Variants in HMGA2 observed in about 807,000 individuals in gnomAD.
HMGA2 encodes the protein high mobility group protein HMGI-C.
A neutral mutation model predicts 19.1 loss-of-function variants in HMGA2; 8 were observed. That is an observed-to-expected ratio of 0.42 (90% CI 0.25 to 0.76). The LOEUF (loss-of-function observed/expected upper bound fraction) is 0.76, where lower values mean the gene tolerates loss of function less well. Among genes scored for constraint, HMGA2 ranks in the 30% least tolerant of loss-of-function variants. HMGA2 has a pLI of 0.28. For missense variants in HMGA2, 109 were observed against 136.3 expected, an observed-to-expected ratio of 0.80 and a Z score of 1.00; for synonymous variants, 60 against 48.8, an observed-to-expected ratio of 1.23 and a Z score of -0.96.
intron 3 of HMGA2, among the ~76,000 whole-genome samples, chr12:65,893,369 G>GA (rs1873995723): frequency 6.6e-6 from 1 of 152,170 alleles, no homozygotes; most frequent in African/African-American, 2.4e-5. Context: ...GGATACATGC[G>GA]AAAAGAACAA....
chr12:65,925,754 G>T (rs568320820), intron 3 of HMGA2, among the ~76,000 whole-genome samples: 5 of 147,942 alleles, frequency 3.4e-5, no homozygotes, highest in Non-Finnish European at 7.4e-5. Flanking sequence ...TGATCTTGCA[G>T]ATCTTTGAGA....
At chr12:65,886,989 A>G (rs1873685566) in intron 3 of HMGA2, among the ~76,000 whole-genome samples, 2 of 152,356 alleles carry the variant, frequency 1.3e-5, no homozygotes, top group South Asian at 4.1e-4. Flanking sequence ...CTTGGGATTA[A>G]TGACTGAGCT....
intron 3 of HMGA2, among the ~76,000 whole-genome samples, chr12:65,892,714 G>C (rs1873962123): frequency 6.6e-6 from 1 of 152,048 alleles, no homozygotes; most frequent in African/African-American, 2.4e-5. Context: ...CTAAAAGTCT[G>C]GCATAGCACT....
intron 3 of HMGA2, among the ~76,000 whole-genome samples, chr12:65,942,407 G>T (rs1876119099): frequency 6.6e-6 from 1 of 152,084 alleles, no homozygotes; most frequent in East Asian, 1.9e-4. Flanking sequence ...TAAAAAATAT[G>T]TATATATGTG....
In HMGA2 at chr12:65,902,167, T is replaced by G. The variant is rs962906361; in HGVS notation, c.250-49216T>G. 9.6e-5 allele frequency among the ~76,000 whole-genome samples: 14 copies of G among 145,740 alleles called. No individual in the cohort carries two copies. In the East Asian group the frequency reaches 2.7e-3, roughly 28 times the overall value. On this transcript the variant is annotated intron_variant, in intron 3 of 4. Coordinates refer to ENST00000403681, the MANE Select transcript of HMGA2 (RefSeq NM_003483.6). Reference sequence around the variant, plus strand: ...ATATGGATCATCCTACTTTTAAGAGTTTTTTTTTTCTTTCCAAATAAATAG... The same window carrying G: ...ATATGGATCATCCTACTTTTAAGAGGTTTTTTTTTCTTTCCAAATAAATAG...
chr12:65,835,424 G>A (rs1444596078), intron 2 of HMGA2, among the ~76,000 whole-genome samples: 1 of 152,086 alleles, frequency 6.6e-6, no homozygotes, highest in African/African-American at 2.4e-5. Context: ...CCAGATTGAC[G>A]CCACACAGCA....
chr12:65,884,489 C>T (rs972166535), intron 3 of HMGA2, among the ~76,000 whole-genome samples: 7 of 152,118 alleles, frequency 4.6e-5, no homozygotes, highest in Non-Finnish European at 8.8e-5. Context: ...AATGACTGAT[C>T]AATATTAATG....
At chr12:65,955,176 C>G (rs2121319420) in intron 4 of HMGA2, 1 of 152,234 alleles carries the variant, frequency 6.6e-6, no homozygotes, top group Non-Finnish European at 1.5e-5. Flanking sequence ...CAGCGAGACT[C>G]CATCTCAAAA....
chr12:65,825,398 G>T lies in HMGA2; in HGVS notation c.111+17G>T, dbSNP rs1214777755. The T allele has an allele frequency of 2.0e-6, 3 of 1,501,846 alleles. No homozygotes were observed. Among genetic ancestry groups the T allele is most frequent in the Middle Eastern group, 2.1e-4 (1 of 4,764 alleles). 93.0% of individuals were successfully genotyped at this position (1,501,846 alleles called of 1,614,324 possible). A position where few individuals can be genotyped will look rare whatever the true frequency, so the allele number is the denominator to read the frequency against. ...CAGCAGCAAGTCAGTACGAGGGCGC[G>T]GTGGGGGCACCAGCCCACCCCGTCC... On this transcript the variant is annotated intron_variant, in intron 1 of 4. Transcript: ENST00000403681. The surrounding 1 kb of genome is among the most constrained non-coding windows in gnomAD (Gnocchi z 4.4).
intron 3 of HMGA2, chr12:65,881,999 C>CG (rs1263065948): frequency 1.5e-6 from 1 of 687,140 alleles, no homozygotes; most frequent in African/African-American, 1.8e-5. Flanking sequence ...TGTCCCTGGG[C>CG]GGTCAGTCGC....
intron 3 of HMGA2, chr12:65,882,181 T>G: frequency 2.7e-6 from 1 of 372,996 alleles, no homozygotes; most frequent in East Asian, 6.4e-5. Flanking sequence ...TTTCTGCTGC[T>G]GGTAGGAGGA....
chr12:65,890,792 T>A (rs1304114965), intron 3 of HMGA2, among the ~76,000 whole-genome samples: 1 of 151,924 alleles, frequency 6.6e-6, no homozygotes, highest in African/African-American at 2.4e-5. Context: ...GGGCGCGATC[T>A]TGGCTCACTG....
chr12:65,900,743 G>A (rs1417417304), intron 3 of HMGA2, among the ~76,000 whole-genome samples: 1 of 152,126 alleles, frequency 6.6e-6, no homozygotes, highest in Non-Finnish European at 1.5e-5. Flanking sequence ...CACTCAATTC[G>A]GTTAATAAAG....
chr12:65,828,139 G>A, intron 2 of HMGA2, 52 bp downstream of exon 2: 1 of 1,321,860 alleles, frequency 7.6e-7, no homozygotes, highest in Non-Finnish European at 1.1e-6. Flanking sequence ...CTGACTACAG[G>A]AGCCTGCCTG....
At chr12:65,956,988 C>T (rs1422007403) in intron 4 of HMGA2, 1 of 152,154 alleles carries the variant, frequency 6.6e-6, no homozygotes, top group Non-Finnish European at 1.5e-5. Context: ...GTTGCATTGC[C>T]TCAGACACTT....
chr12:65,828,105 A>C lies in HMGA2; in HGVS notation c.198+18A>C. On this transcript the variant is annotated intron_variant, in intron 2 of 4. Coordinates refer to ENST00000403681, the MANE Select transcript of HMGA2 (RefSeq NM_003483.6). The stretch of plus-strand genomic sequence containing the variant: ...CTCAAAAGGTGAGATTTCTCAAGTC[A>C]AGCTCTCCTAACTTCATCAATGACT... 2 of 1,571,684 alleles carry C rather than the reference A, an allele frequency of 1.3e-6. No homozygotes were observed. Among genetic ancestry groups the C allele is most frequent in the African/African-American group, 1.3e-5 (1 of 74,178 alleles).
intron 3 of HMGA2, chr12:65,842,618 C>A: frequency 6.5e-7 from 1 of 1,535,366 alleles, no homozygotes; most frequent in Non-Finnish European, 8.7e-7. Flanking sequence ...AGCTTAGAAG[C>A]CTTTCTTCCA....
At chr12:65,861,223 G>A (rs73119878) in intron 3 of HMGA2, among the ~76,000 whole-genome samples, 28,474 of 151,954 alleles carry the variant, frequency 0.19, 4,683 homozygotes, top group African/African-American at 0.43. Context: ...AAAAATGAGC[G>A]GGCATGGTGA....
chr12:65,836,364 GAA>G (rs58470265), intron 2 of HMGA2, among the ~76,000 whole-genome samples: 28 of 104,802 alleles, frequency 2.7e-4, no homozygotes, highest in East Asian at 5.6e-4. Flanking sequence ...GTCTCAAAAA[GAA>G]AAAAAAAAAA....
Sources: allele counts gnomAD v4.1 joint callset (sites outside exome capture counted in the v4.1 genomes callset), GRCh38; gene constraint gnomAD v4.1.1; non-coding constraint Gnocchi (gnomAD v3.1); transcripts MANE v1.5; gene names NCBI Gene and HGNC (gene_info 2026-07-23, HGNC 2026-07-21).